NUP98: variants seen among roughly 807,000 people sequenced by gnomAD.
NUP98 encodes nucleoporin 98 and 96 precursor.
A neutral mutation model predicts 191.9 loss-of-function variants in NUP98; 26 were observed. That is an observed-to-expected ratio of 0.14 (90% CI 0.10 to 0.19). NUP98 has a LOEUF of 0.19. Ranked by LOEUF, NUP98 falls within the 10% of genes least tolerant of loss-of-function variation. The pLI, the probability that NUP98 is intolerant of heterozygous loss-of-function variation, is 1.00. For missense variants in NUP98, 1,941 were observed against 2,178.8 expected (o/e 0.89, Z 2.17); for synonymous variants, 808 against 778.4 (o/e 1.04, Z -0.63).
intron 14 of NUP98, among the ~76,000 whole-genome samples, chr11:3,730,244 A>C (rs1401506923): frequency 6.6e-6 from 1 of 152,118 alleles, no homozygotes; most frequent in Non-Finnish European, 1.5e-5. Context: ...AAAATAAATA[A>C]ATAAAATGCT....
chr11:3,791,829 G>C (rs2082362172), intron 1 of NUP98, among the ~76,000 whole-genome samples: 1 of 146,670 alleles, frequency 6.8e-6, no homozygotes, highest in Non-Finnish European at 1.5e-5. Flanking sequence ...GCGACAGAGT[G>C]AGACTACATC....
intron 4 of NUP98, among the ~76,000 whole-genome samples, chr11:3,776,241 C>T (rs942700787): frequency 2.6e-5 from 4 of 151,396 alleles, no homozygotes; most frequent in Non-Finnish European, 4.4e-5. Flanking sequence ...CCTGCCTCAG[C>T]CTCCCAAGTA....
intron 29 of NUP98, among the ~76,000 whole-genome samples, chr11:3,684,621 T>A (rs753286401): frequency 4.6e-5 from 7 of 152,030 alleles, no homozygotes; most frequent in Non-Finnish European, 7.3e-5. Flanking sequence ...TCATTCCCTG[T>A]TAAAGGGGAA....
At chr11:3,693,078 A>G (rs1224588825) in intron 27 of NUP98, 154 bp downstream of exon 27, 1 of 709,072 alleles carries the variant, frequency 1.4e-6, no homozygotes, top group Non-Finnish European at 2.3e-6. Context: ...ATCTCATGAT[A>G]TTTAATAAAA....
intron 29 of NUP98, among the ~76,000 whole-genome samples, chr11:3,684,016 T>C (rs1175556017): frequency 6.9e-6 from 1 of 145,240 alleles, no homozygotes; most frequent in African/African-American, 2.5e-5. Flanking sequence ...AAGACCAGCC[T>C]GGCCAACATG....
At chr11:3,749,036 C>T (rs535289407) in intron 11 of NUP98, among the ~76,000 whole-genome samples, 1 of 151,982 alleles carries the variant, frequency 6.6e-6, no homozygotes, top group East Asian at 1.9e-4. Flanking sequence ...GGGCCGGGCG[C>T]GGTGGCTCAC....
chr11:3,776,239 A>C (rs2081724831), intron 4 of NUP98, among the ~76,000 whole-genome samples: 1 of 150,112 alleles, frequency 6.7e-6, no homozygotes, highest in African/African-American at 2.5e-5. Context: ...CTCCTGCCTC[A>C]GCCTCCCAAG....
chr11:3,791,173 G>A (rs527877298), intron 1 of NUP98, among the ~76,000 whole-genome samples: 3 of 152,188 alleles, frequency 2.0e-5, no homozygotes, highest in South Asian at 2.1e-4. Flanking sequence ...GGGATTACAG[G>A]CGTGAGCCAC....
chr11:3,691,186 T>C (rs949653533), intron 28 of NUP98, among the ~76,000 whole-genome samples, 161 bp downstream of exon 28: 2 of 152,250 alleles, frequency 1.3e-5, no homozygotes, highest in African/African-American at 4.8e-5. Context: ...CTTCTAATTC[T>C]AGTTCTAATG....
chr11:3,690,671 T>A (rs1180218098), intron 28 of NUP98, among the ~76,000 whole-genome samples: 2 of 152,098 alleles, frequency 1.3e-5, no homozygotes, highest in Non-Finnish European at 2.9e-5. Flanking sequence ...ATACCAAATT[T>A]TAAAGAGGAT....
intron 28 of NUP98, among the ~76,000 whole-genome samples, chr11:3,689,846 A>G (rs1349164680): frequency 6.6e-6 from 1 of 151,284 alleles, no homozygotes; most frequent in Non-Finnish European, 1.5e-5. Flanking sequence ...CATATTGCCC[A>G]GGCTGGCCTC....
intron 13 of NUP98, among the ~76,000 whole-genome samples, chr11:3,733,284 T>C (rs919302842): frequency 3.3e-5 from 5 of 152,332 alleles, no homozygotes; most frequent in African/African-American, 4.8e-5. Context: ...ATGTGACTTT[T>C]TGTGTCTGGC....
At chr11:3,727,636 G>C (rs912148600) in intron 14 of NUP98, among the ~76,000 whole-genome samples, 44 of 152,120 alleles carry the variant, frequency 2.9e-4, no homozygotes, top group African/African-American at 9.9e-4. Context: ...CCAAGGTGGG[G>C]GGATTGCTTG....
chr11:3,683,789 C>T (rs1325274154), intron 29 of NUP98, among the ~76,000 whole-genome samples: 1 of 152,090 alleles, frequency 6.6e-6, no homozygotes, highest in Non-Finnish European at 1.5e-5. Context: ...CCACCCGCCT[C>T]AGCTTCCCAA....
intron 9 of NUP98, 94 bp downstream of exon 9, chr11:3,762,807 TA>T (rs753378535): frequency 7.2e-7 from 1 of 1,382,930 alleles, no homozygotes; most frequent in Non-Finnish European, 9.9e-7. Flanking sequence ...ATACACCCAA[TA>T]AAAATACCTG....
intron 23 of NUP98, among the ~76,000 whole-genome samples, chr11:3,701,554 A>G (rs963633980): frequency 1.3e-5 from 2 of 151,792 alleles, no homozygotes; most frequent in Non-Finnish European, 2.9e-5. Context: ...CGGCCCCTTG[A>G]TCTAATTTTT....
At chr11:3,769,664 A>G (rs967830577) in intron 7 of NUP98, among the ~76,000 whole-genome samples, 14 of 151,788 alleles carry the variant, frequency 9.2e-5, no homozygotes, top group African/African-American at 3.1e-4. Context: ...GGTGGTTCAC[A>G]CTGGGAGGCT....
Position 3,744,520 on chromosome 11 carries a change from TG to T in NUP98, c.1396del (p.Gln466ArgfsTer4). On this transcript the variant is annotated frameshift_variant, in exon 12 of 33. Transcript: ENST00000324932. LOFTEE classifies it high-confidence loss of function. ...TTATLGFGAP[Q>X]APVALTDPNA... ...TGACTGACACTTACCTACTGGGGCC[TG>T]GGGGGCTCCAAAGCCCAAAGTGGCT... 1 of 1,611,970 alleles carries T rather than the reference TG, an allele frequency of 6.2e-7. No homozygotes were observed. Among genetic ancestry groups the T allele is most frequent in the Admixed American group, 1.7e-5 (1 of 59,428 alleles).
chr11:3,695,605 C>A lies in NUP98; in HGVS notation c.4011G>T (p.Gly1337=), dbSNP rs149302443. 1 of 1,572,480 alleles carries A rather than the reference C, an allele frequency of 6.4e-7. No individual in the cohort carries two copies. ...ATAAAAGAAGAGCAAGACGATGATC[C>A]CCTATAAGAGAAATGGAAGTTTTTT... ...SEACSLAQQS[G]DHRLALLLSQ... The change falls in exon 26 of 33, where the codon GGG becomes GGT. Residue 1337 remains glycine (G), a splice_region_variant and synonymous_variant. Transcript: ENST00000324932.
Sources: gnomAD v4.1 joint callset for allele counts (sites outside exome capture counted in the v4.1 genomes callset) on GRCh38, gnomAD v4.1.1 for gene constraint, MANE v1.5 for transcripts, NCBI Gene and HGNC (gene_info 2026-07-23, HGNC 2026-07-21) for gene names.